Variants in MTHFD1L observed in about 807,000 individuals in gnomAD.
MTHFD1L encodes methylenetetrahydrofolate dehydrogenase (NADP+ dependent) 1 like.
A neutral mutation model predicts 119.5 loss-of-function variants in MTHFD1L; 81 were observed. That is an observed-to-expected ratio of 0.68 (90% CI 0.57 to 0.82). The LOEUF (loss-of-function observed/expected upper bound fraction) is 0.82, where lower values mean the gene tolerates loss of function less well. Ranked by LOEUF, MTHFD1L falls within the 40% of genes least tolerant of loss-of-function variation. MTHFD1L has a pLI of 0.00. For synonymous variants in MTHFD1L, 430 were observed against 475.2 expected (o/e 0.90, Z 1.24); for missense variants, 1,125 against 1,253.4 (o/e 0.90, Z 1.55).
intron 26 of MTHFD1L, among the ~76,000 whole-genome samples, chr6:151,056,606 G>A (rs531785030): frequency 3.3e-5 from 5 of 152,282 alleles, no homozygotes; most frequent in South Asian, 2.1e-4. Context: ...GTTCTATAAC[G>A]TCGTGTTCTT....
intron 26 of MTHFD1L, among the ~76,000 whole-genome samples, chr6:151,067,466 G>A (rs1458163052): frequency 6.6e-6 from 1 of 151,868 alleles, no homozygotes; most frequent in Non-Finnish European, 1.5e-5. Flanking sequence ...TGGGATTCCA[G>A]GTGTGCGCCA....
At chr6:150,916,737 C>CTTTTTTTTTTTTTTT (rs57961829) in intron 8 of MTHFD1L, among the ~76,000 whole-genome samples, 2 of 72,114 alleles carry the variant, frequency 2.8e-5, no homozygotes, top group Non-Finnish European at 5.8e-5. Flanking sequence ...GATTCTATCC[C>CTTTTTTTTTTTTTTT]TTTTTTTTTT....
chr6:151,078,679 C>T (rs1282054948), intron 26 of MTHFD1L, among the ~76,000 whole-genome samples: 2 of 152,074 alleles, frequency 1.3e-5, no homozygotes, highest in African/African-American at 2.4e-5. Context: ...CCTTCTCCTT[C>T]GTCCATTCAC....
At position 151,044,459 on chromosome 6, in the gene MTHFD1L, G is replaced by A. The variant is rs1356331201; in HGVS notation, c.2847+7342G>A. ...TGGGATTACAGGTGGCCGCCACTAC[G>A]CCCCGCTAGTTTTTTGTATTTTTAA... On this transcript the variant is annotated intron_variant, in intron 26 of 27. Coordinates refer to ENST00000367321, the MANE Select transcript of MTHFD1L (RefSeq NM_015440.5). Among the ~76,000 whole-genome samples the A allele has an allele frequency of 6.6e-5, 10 of 151,806 alleles. No individual in the cohort carries two copies. The South Asian group carries it at 1.7e-3, about 25-fold the overall frequency.
chr6:150,984,906 G>C lies in MTHFD1L; in HGVS notation c.2125+12848G>C, dbSNP rs563544632. On this transcript the variant is annotated intron_variant, in intron 20 of 27. Transcript: ENST00000367321. Reference sequence around the variant, plus strand: ...AGATAATGGAGATGGATTTTCTTCTGAGTAGCCACGCATATTAGGTTTCAG... The same window carrying C: ...AGATAATGGAGATGGATTTTCTTCTCAGTAGCCACGCATATTAGGTTTCAG... 3.9e-5 allele frequency: 6 copies of C among 152,226 alleles called. No homozygotes were observed. In the East Asian group the frequency reaches 1.2e-3, roughly 29 times the overall value. 9.4% of individuals were successfully genotyped at this position (152,226 alleles called of 1,614,324 possible). A position where few individuals can be genotyped will look rare whatever the true frequency, so the allele number is the denominator to read the frequency against.
At chr6:151,023,315 G>A (rs778766277) in intron 24 of MTHFD1L, among the ~76,000 whole-genome samples, 25 of 152,122 alleles carry the variant, frequency 1.6e-4, no homozygotes, top group East Asian at 1.9e-4. Context: ...CCAAAGTGCC[G>A]GGATTACAGG....
chr6:150,905,527 T>C (rs992760086), intron 7 of MTHFD1L, 123 bp from the exon 8 acceptor site: 1 of 692,020 alleles, frequency 1.4e-6, no homozygotes. Context: ...GATTCCATCC[T>C]TGTCAGCAGC....
chr6:150,884,719 G>T (rs934487206), intron 5 of MTHFD1L, among the ~76,000 whole-genome samples: 7 of 152,182 alleles, frequency 4.6e-5, no homozygotes, highest in Non-Finnish European at 1.0e-4. Context: ...TGAGATTGAC[G>T]TGCTCAGTTT....
At chr6:150,920,406 A>G (rs915255268) in intron 9 of MTHFD1L, among the ~76,000 whole-genome samples, 5 of 152,198 alleles carry the variant, frequency 3.3e-5, no homozygotes, top group African/African-American at 1.2e-4. Context: ...TGGCAGTGAC[A>G]TTTAGTTCAT....
intron 11 of MTHFD1L, among the ~76,000 whole-genome samples, chr6:150,934,138 C>T (rs1436783818): frequency 2.0e-5 from 3 of 152,180 alleles, no homozygotes; most frequent in South Asian, 4.1e-4. Context: ...CTTTGCCTCC[C>T]AGCTCTACTG....
intron 8 of MTHFD1L, among the ~76,000 whole-genome samples, chr6:150,916,379 G>T (rs143904058): frequency 1.7e-5 from 2 of 120,976 alleles, no homozygotes; most frequent in Non-Finnish European, 3.2e-5. Context: ...TCGGCTCACC[G>T]CAATCTCCGC....
chr6:150,910,393 A>G (rs947954132), intron 8 of MTHFD1L, among the ~76,000 whole-genome samples: 8 of 149,766 alleles, frequency 5.3e-5, no homozygotes, highest in African/African-American at 2.0e-4. Context: ...GAGAAACCCC[A>G]TCTCTACTAA....
chr6:151,077,905 G>A (rs1467484558), intron 26 of MTHFD1L, among the ~76,000 whole-genome samples: 1 of 150,878 alleles, frequency 6.6e-6, no homozygotes, highest in Non-Finnish European at 1.5e-5. Flanking sequence ...CAAAAAATTA[G>A]CCGGGCGTGG....
rs1439198843 is a variant in MTHFD1L at position 150,926,328 on chromosome 6, C to A, written c.1256+33C>A. On this transcript the variant is annotated intron_variant, in intron 11 of 27. Coordinates refer to ENST00000367321, the MANE Select transcript of MTHFD1L (RefSeq NM_015440.5). This position sits in a 1 kb window ranked among gnomAD's most constrained non-coding sequence, Gnocchi z 4.3. ...ACCATCTAACATCTACTTGATCAAGCAGACATATTTACAAAACTCTTCCCT... is the reference window on the plus strand; with the variant it reads ...ACCATCTAACATCTACTTGATCAAGAAGACATATTTACAAAACTCTTCCCT... The A allele has an allele frequency of 8.9e-6, 14 of 1,575,146 alleles. No individual in the cohort carries two copies. Among genetic ancestry groups the A allele is most frequent in the Non-Finnish European group, 1.0e-5 (12 of 1,150,300 alleles).
At chr6:150,867,117 A>G (rs573717102) in intron 1 of MTHFD1L, among the ~76,000 whole-genome samples, 1 of 152,148 alleles carries the variant, frequency 6.6e-6, no homozygotes, top group East Asian at 1.9e-4. Flanking sequence ...CCATCTCAGT[A>G]AAATACGTTT....
intron 12 of MTHFD1L, among the ~76,000 whole-genome samples, chr6:150,937,606 A>T (rs1246421239): frequency 2.6e-5 from 4 of 152,212 alleles, no homozygotes; most frequent in Non-Finnish European, 5.9e-5. Context: ...AAGTACTGAT[A>T]ACGCACAGAG....
chr6:150,954,347 T>G (rs1795294749), intron 16 of MTHFD1L, among the ~76,000 whole-genome samples: 1 of 152,196 alleles, frequency 6.6e-6, no homozygotes, highest in African/African-American at 2.4e-5. Flanking sequence ...CCAAACCTAA[T>G]TTTCACAAAA....
intron 7 of MTHFD1L, among the ~76,000 whole-genome samples, chr6:150,902,691 C>T (rs1375307121): frequency 6.6e-6 from 1 of 152,016 alleles, no homozygotes; most frequent in African/African-American, 2.4e-5. Flanking sequence ...GCACAGCCCA[C>T]TTTAGAGTTG....
chr6:150,933,158 T>C (rs1791453407), intron 11 of MTHFD1L, among the ~76,000 whole-genome samples: 1 of 152,148 alleles, frequency 6.6e-6, no homozygotes, highest in African/African-American at 2.4e-5. Context: ...AATTAAGAAT[T>C]GGATGGTTAG....
Sources: gnomAD v4.1 joint callset for allele counts (sites outside exome capture counted in the v4.1 genomes callset) on GRCh38, gnomAD v4.1.1 for gene constraint, Gnocchi (gnomAD v3.1) non-coding constraint, MANE v1.5 for transcripts, NCBI Gene and HGNC (gene_info 2026-07-23, HGNC 2026-07-21) for gene names.